Variants in PALLD observed in about 807,000 individuals in gnomAD.
The protein encoded by PALLD is palladin, cytoskeletal associated protein.
PALLD carries 61 observed loss-of-function variants against 123.5 expected under a neutral mutation model. That is an observed-to-expected ratio of 0.49 (90% confidence interval 0.40 to 0.61). The LOEUF is 0.61. Among genes scored for constraint, PALLD ranks in the 20% least tolerant of loss-of-function variants. PALLD has a pLI of 0.00. For missense variants in PALLD, 1,273 were observed against 1,377.0 expected, an observed-to-expected ratio of 0.92 and a Z score of 1.20; for synonymous variants, 465 against 496.4, an observed-to-expected ratio of 0.94 and a Z score of 0.84.
intron 5 of PALLD, among the ~76,000 whole-genome samples, chr4:168,683,908 T>C (rs1305939298): frequency 6.6e-6 from 1 of 152,116 alleles, no homozygotes; most frequent in East Asian, 1.9e-4. Flanking sequence ...GTGCTATCGA[T>C]ATGTGGAAAA....
intron 10 of PALLD, among the ~76,000 whole-genome samples, chr4:168,759,202 A>AT (rs1223717774): frequency 4.5e-5 from 1 of 22,302 alleles, no homozygotes; most frequent in Non-Finnish European, 8.7e-5. Context: ...AAAAAAAAAA[A>AT]ATATATATAT....
chr4:168,714,611 A>T (rs1371344047), intron 10 of PALLD, among the ~76,000 whole-genome samples: 2 of 152,196 alleles, frequency 1.3e-5, no homozygotes, highest in African/African-American at 4.8e-5. Context: ...GTCAGCAATG[A>T]AAAACTATGG....
chr4:168,800,058 C>T (rs193087005), intron 10 of PALLD, among the ~76,000 whole-genome samples: 1 of 152,264 alleles, frequency 6.6e-6, no homozygotes, highest in East Asian at 1.9e-4. Flanking sequence ...TCCCTCTTAT[C>T]AGAGGCAGGC....
chr4:168,769,602 ACTGT>A (rs1311587355), intron 10 of PALLD, among the ~76,000 whole-genome samples: 2 of 152,140 alleles, frequency 1.3e-5, no homozygotes, highest in African/African-American at 2.4e-5. Flanking sequence ...TCTGCTCCAG[ACTGT>A]CTGAGGAGCT....
intron 10 of PALLD, among the ~76,000 whole-genome samples, chr4:168,848,119 G>A (rs890848620): frequency 6.6e-6 from 1 of 152,012 alleles, no homozygotes; most frequent in East Asian, 1.9e-4. Context: ...ACTGAGGACT[G>A]AGTTAGCCTC....
intron 10 of PALLD, among the ~76,000 whole-genome samples, chr4:168,821,541 AAG>A (rs564291354): frequency 4.1e-4 from 62 of 152,310 alleles, no homozygotes; most frequent in African/African-American, 1.1e-3. Flanking sequence ...GATATACACA[AAG>A]AGAGAAAAAT....
intron 2 of PALLD, among the ~76,000 whole-genome samples, chr4:168,595,377 A>G (rs1288068396): frequency 1.3e-5 from 2 of 152,162 alleles, no homozygotes; most frequent in African/African-American, 2.4e-5. Context: ...TGTAATAAAC[A>G]TGGGATGATG....
chr4:168,750,991 T>G (rs565345612), intron 10 of PALLD, among the ~76,000 whole-genome samples: 76 of 151,616 alleles, frequency 5.0e-4, no homozygotes, highest in African/African-American at 1.7e-3. Context: ...TATATGTGTG[T>G]GTGTGTGTGT....
intron 2 of PALLD, among the ~76,000 whole-genome samples, chr4:168,571,410 A>C (rs1408471867): frequency 6.6e-6 from 1 of 152,148 alleles, no homozygotes; most frequent in Non-Finnish European, 1.5e-5. Flanking sequence ...TAGTTGACTC[A>C]TTACATACCT....
At chr4:168,523,313 A>C (rs1763745355) in intron 2 of PALLD, among the ~76,000 whole-genome samples, 1 of 150,990 alleles carries the variant, frequency 6.6e-6, no homozygotes, top group African/African-American at 2.4e-5. Context: ...GACAAAGAAA[A>C]CTCTCATCTG....
intron 8 of PALLD, among the ~76,000 whole-genome samples, chr4:168,691,638 A>G (rs1328346230): frequency 6.6e-6 from 1 of 152,190 alleles, no homozygotes; most frequent in Non-Finnish European, 1.5e-5. Flanking sequence ...GAGAAGGACA[A>G]TCTACTGCCT....
rs748161189 is a variant in PALLD, at chr4:168,921,671, C to T, written c.2988C>T (p.Ala996=). ...TAGAGCCAGTCACGTCACGTGATGCCGGCATCTACACATGTATAGCTACCA... is the reference window on the plus strand; with the variant it reads ...TAGAGCCAGTCACGTCACGTGATGCTGGCATCTACACATGTATAGCTACCA... The part of the protein sequence containing the change: ...LIIEPVTSRD[A]GIYTCIATNR... The change falls in exon 18 of 22, where the codon GCC becomes GCT. Residue 996 remains alanine (A), a synonymous_variant. Coordinates refer to ENST00000505667, the MANE Select transcript of PALLD (RefSeq NM_001166108.2). 1.4e-5 allele frequency: 22 copies of T among 1,611,332 alleles called. No homozygotes were observed. The South Asian group carries it at 1.4e-4, about 10-fold the overall frequency.
intron 1 of PALLD, among the ~76,000 whole-genome samples, chr4:168,508,398 C>T (rs951202176): frequency 1.4e-4 from 21 of 152,168 alleles, no homozygotes; most frequent in Non-Finnish European, 2.8e-4. Flanking sequence ...GTCATATCCC[C>T]GTCCCTAGCG....
At chr4:168,870,206 T>C (rs1458396672) in intron 10 of PALLD, among the ~76,000 whole-genome samples, 1 of 152,234 alleles carries the variant, frequency 6.6e-6, no homozygotes, top group Non-Finnish European at 1.5e-5. Context: ...ATAGTTTCCA[T>C]GTTTCCTTTA....
intron 2 of PALLD, among the ~76,000 whole-genome samples, chr4:168,528,552 G>A (rs1187170494): frequency 1.3e-5 from 2 of 152,202 alleles, no homozygotes; most frequent in Admixed American, 1.3e-4. Flanking sequence ...TATCTCGCAA[G>A]CTCTGTAGGG....
intron 15 of PALLD, among the ~76,000 whole-genome samples, chr4:168,907,169 C>T (rs761858539): frequency 4.6e-5 from 7 of 152,016 alleles, no homozygotes; most frequent in Non-Finnish European, 8.8e-5. Context: ...ATGTAAAAAG[C>T]ATTCAGTTTA....
chr4:168,664,881 G>T (rs76659723), intron 2 of PALLD, among the ~76,000 whole-genome samples: 2,049 of 152,076 alleles, frequency 0.013, 43 homozygotes, highest in African/African-American at 0.047. Context: ...TTTGATCTAT[G>T]ATTGGAATCA....
chr4:168,673,146 T>C (rs1437736270), intron 3 of PALLD, among the ~76,000 whole-genome samples: 2 of 152,176 alleles, frequency 1.3e-5, no homozygotes, highest in African/African-American at 4.8e-5. Flanking sequence ...TGGTTCACCC[T>C]CGAGACACAC....
chr4:168,903,071 A>G (rs1468370618), intron 14 of PALLD, among the ~76,000 whole-genome samples: 1 of 152,146 alleles, frequency 6.6e-6, no homozygotes, highest in Non-Finnish European at 1.5e-5. Context: ...CCCACATTTA[A>G]TTTTTTATCA....
Sources: gnomAD v4.1 joint callset for allele counts (sites outside exome capture counted in the v4.1 genomes callset) on GRCh38, gnomAD v4.1.1 for gene constraint, MANE v1.5 for transcripts, NCBI Gene and HGNC (gene_info 2026-07-23, HGNC 2026-07-21) for gene names.